The following GRIK3 variants were observed in gnomAD, a reference collection of about 807,000 sequenced individuals.
GRIK3 encodes the protein glutamate receptor ionotropic, kainate 3.
A neutral mutation model predicts 102.5 loss-of-function variants in GRIK3; 29 were observed. The ratio of observed to expected loss-of-function variants is 0.28; its 90% CI spans 0.21 to 0.39. The LOEUF is 0.39. Among genes scored for constraint, GRIK3 ranks in the 10% least tolerant of loss-of-function variants. The pLI is 1.00. For synonymous variants in GRIK3, 511 were observed against 504.9 expected (o/e 1.01, Z -0.16); for missense variants, 908 against 1,252.4 (o/e 0.73, Z 4.15).
intron 1 of GRIK3, among the ~76,000 whole-genome samples, chr1:37,015,285 A>T (rs1354032116): frequency 1.3e-5 from 2 of 152,180 alleles, no homozygotes; most frequent in East Asian, 3.9e-4. Context: ...ACCCAAAGTA[A>T]ACCCCAGCAG....
intron 1 of GRIK3, among the ~76,000 whole-genome samples, chr1:36,964,105 C>A (rs1338727758): frequency 6.6e-6 from 1 of 152,194 alleles, no homozygotes; most frequent in African/African-American, 2.4e-5. Flanking sequence ...TGGGCCTGGC[C>A]TGGGCAAGAA....
chr1:36,966,767 C>T (rs1010674191), intron 1 of GRIK3, among the ~76,000 whole-genome samples: 3 of 151,742 alleles, frequency 2.0e-5, no homozygotes, highest in African/African-American at 7.3e-5. Flanking sequence ...TACAGACCAC[C>T]CCCCCAACCC....
intron 1 of GRIK3, among the ~76,000 whole-genome samples, chr1:36,931,050 C>T (rs1641583392): frequency 5.3e-5 from 8 of 152,166 alleles, no homozygotes; most frequent in Admixed American, 5.2e-4. Flanking sequence ...TTTCTGGTCA[C>T]CATTGCAGCA....
At chr1:36,951,841 A>G (rs1641847529) in intron 1 of GRIK3, among the ~76,000 whole-genome samples, 1 of 151,202 alleles carries the variant, frequency 6.6e-6, no homozygotes. Flanking sequence ...AAGCAGAGAG[A>G]AGGAGGTTGG....
chr1:36,867,723 A>G (rs114258730), intron 5 of GRIK3, among the ~76,000 whole-genome samples: 45 of 152,224 alleles, frequency 3.0e-4, no homozygotes, highest in Non-Finnish European at 5.9e-4. Context: ...CAGAGCAGGA[A>G]CAAAATCTTC....
chr1:36,899,280 C>T (rs918459841), intron 1 of GRIK3, among the ~76,000 whole-genome samples: 2 of 152,098 alleles, frequency 1.3e-5, no homozygotes, highest in Non-Finnish European at 2.9e-5. Context: ...AATCATACAC[C>T]TGATAAGGAA....
chr1:37,034,060 C>G lies in GRIK3; in HGVS notation c.49G>C (p.Ala17Pro). The part of the protein sequence containing the change: ...RLRSLVWEYW[A>P]GLLVCAFWIP... ...CAGAAGGCGCACACGAGGAGCCCGG[C>G]CCAGTATTCCCAAACCAGACTCCGG... is the stretch of plus-strand genomic sequence containing the variant. The change falls in exon 1 of 16, where the codon GCC becomes CCC. Residue 17 changes from alanine (A) to proline (P), a missense_variant. By Grantham distance (27) the Ala-to-Pro change is conservative. Coordinates refer to ENST00000373091, the MANE Select transcript of GRIK3 (RefSeq NM_000831.4). The G allele has an allele frequency of 6.2e-7, 1 of 1,605,406 alleles. No homozygotes were observed. The highest frequency in any genetic ancestry group is 1.1e-5 in the South Asian group (1 of 90,174).
At chr1:36,977,161 A>C (rs1265514232) in intron 1 of GRIK3, among the ~76,000 whole-genome samples, 1 of 152,210 alleles carries the variant, frequency 6.6e-6, no homozygotes, top group African/African-American at 2.4e-5. Flanking sequence ...AGTGCAAATT[A>C]CTTCCTTGAG....
intron 1 of GRIK3, among the ~76,000 whole-genome samples, chr1:36,961,736 G>A (rs1235152883): frequency 1.3e-5 from 2 of 152,250 alleles, no homozygotes; most frequent in South Asian, 4.1e-4. Flanking sequence ...GCAAAGACCC[G>A]TGAATGAAGG....
intron 1 of GRIK3, among the ~76,000 whole-genome samples, chr1:36,903,023 C>T (rs995167891): frequency 6.6e-6 from 1 of 152,110 alleles, no homozygotes. Flanking sequence ...CTCCTGACCT[C>T]GAGTGATCTG....
Position 36,945,064 on chromosome 1 carries a change from C to T in GRIK3, c.116-53968G>A, listed in dbSNP as rs113757358. Among the ~76,000 whole-genome samples the T allele has an allele frequency of 5.0e-3, 764 of 152,310 alleles. 7 individuals carry two copies. Among genetic ancestry groups the T allele is most frequent in the African/African-American group, 0.018 (736 of 41,570 alleles). ...GTGCCCAGCTGGCTCCACCCCTGGC[C>T]GTCGGCCACACTGTTCATTAAGCAA... is the stretch of plus-strand genomic sequence containing the variant. On this transcript the variant is annotated intron_variant, in intron 1 of 15. Transcript: ENST00000373091.
intron 10 of GRIK3, among the ~76,000 whole-genome samples, chr1:36,831,114 G>A (rs1640286734): frequency 1.3e-5 from 2 of 152,200 alleles, no homozygotes; most frequent in Admixed American, 1.3e-4. Flanking sequence ...TGTGCAGGAT[G>A]CATGGGGCTC....
chr1:36,918,813 C>T (rs1226060674), intron 1 of GRIK3, among the ~76,000 whole-genome samples: 1 of 152,212 alleles, frequency 6.6e-6, no homozygotes. Context: ...GGAATAAACC[C>T]CACATTCTTG....
intron 1 of GRIK3, among the ~76,000 whole-genome samples, chr1:36,985,015 G>A (rs1642289538): frequency 6.6e-6 from 1 of 152,160 alleles, no homozygotes; most frequent in Non-Finnish European, 1.5e-5. Flanking sequence ...GCTCCGTGAA[G>A]CCCGGGCAGG....
chr1:36,977,079 T>C (rs2124363239), intron 1 of GRIK3, among the ~76,000 whole-genome samples: 1 of 152,254 alleles, frequency 6.6e-6, no homozygotes, highest in South Asian at 2.1e-4. Context: ...AGGAAGCCAG[T>C]CCACATCATC....
chr1:36,840,897 T>G (rs112032961), intron 10 of GRIK3, among the ~76,000 whole-genome samples: 25 of 152,342 alleles, frequency 1.6e-4, no homozygotes, highest in African/African-American at 5.5e-4. Context: ...ACCCTCTTAC[T>G]GAACTTACTC....
chr1:36,883,696 C>A (rs1227284170), intron 2 of GRIK3, among the ~76,000 whole-genome samples: 1 of 152,138 alleles, frequency 6.6e-6, no homozygotes, highest in Non-Finnish European at 1.5e-5. Context: ...GAGAGGCCAA[C>A]CAGAGGAGGC....
intron 5 of GRIK3, among the ~76,000 whole-genome samples, chr1:36,863,814 T>C (rs892877147): frequency 6.6e-6 from 1 of 152,156 alleles, no homozygotes; most frequent in African/African-American, 2.4e-5. Context: ...CCCTATGAGC[T>C]ATGGGCTGAA....
intron 5 of GRIK3, among the ~76,000 whole-genome samples, chr1:36,861,841 G>T (rs1000665693): frequency 6.6e-6 from 1 of 152,090 alleles, no homozygotes; most frequent in Non-Finnish European, 1.5e-5. Context: ...CTGGGATGGG[G>T]AAGGGGCTGG....
Sources: allele counts gnomAD v4.1 joint callset (sites outside exome capture counted in the v4.1 genomes callset), GRCh38; gene constraint gnomAD v4.1.1; transcripts MANE v1.5; gene names NCBI Gene and HGNC (gene_info 2026-07-23, HGNC 2026-07-21).